Variants in FAM178B observed in about 807,000 individuals in gnomAD.
The protein encoded by FAM178B is protein FAM178B.
A neutral mutation model predicts 91.7 loss-of-function variants in FAM178B; 82 were observed. The observed-to-expected ratio is 0.89, with a 90% CI of 0.75 to 1.07. The LOEUF (loss-of-function observed/expected upper bound fraction) is 1.07, where lower values mean the gene tolerates loss of function less well. Ranked by LOEUF, FAM178B falls within the 50% of genes least tolerant of loss-of-function variation. The pLI, the probability that FAM178B is intolerant of heterozygous loss-of-function variation, is 0.00. For synonymous variants in FAM178B, 368 were observed against 359.4 expected (o/e 1.02, Z -0.27); for missense variants, 769 against 846.7 (o/e 0.91, Z 1.14).
intron 5 of FAM178B, among the ~76,000 whole-genome samples, chr2:96,962,645 T>C (rs892484137): frequency 6.6e-6 from 1 of 152,072 alleles, no homozygotes; most frequent in Non-Finnish European, 1.5e-5. Context: ...GAATAAAGGA[T>C]GATGTTGTGG....
intron 6 of FAM178B, among the ~76,000 whole-genome samples, chr2:96,952,148 G>A (rs1172066802): frequency 2.6e-5 from 4 of 152,130 alleles, no homozygotes; most frequent in Admixed American, 6.5e-5. Context: ...TCTTAGCCTC[G>A]GGTTCCTCCA....
chr2:96,969,945 T>C (rs1035452945), intron 4 of FAM178B, among the ~76,000 whole-genome samples: 2 of 152,118 alleles, frequency 1.3e-5, no homozygotes, highest in Non-Finnish European at 2.9e-5. Context: ...GAGCTGGGTG[T>C]TCCAGGGTGG....
At chr2:96,887,252 G>T (rs1336146385) in intron 14 of FAM178B, among the ~76,000 whole-genome samples, 2 of 152,142 alleles carry the variant, frequency 1.3e-5, no homozygotes, top group Admixed American at 1.3e-4. Flanking sequence ...ACCGTTTGCA[G>T]AAATAAGGTC....
intron 13 of FAM178B, chr2:96,895,174 ATCGT>A: frequency 8.4e-7 from 1 of 1,192,790 alleles, no homozygotes; most frequent in Non-Finnish European, 1.1e-6. Flanking sequence ...AATACATCGT[ATCGT>A]TTTACCCATA....
chr2:96,925,798 C>CAA (rs1340870601), intron 9 of FAM178B, among the ~76,000 whole-genome samples: 1 of 152,162 alleles, frequency 6.6e-6, no homozygotes, highest in Non-Finnish European at 1.5e-5. Context: ...CTTCTTCCCC[C>CAA]AAAAGTTGAA....
chr2:96,899,853 T>C (rs1298211664), intron 13 of FAM178B, among the ~76,000 whole-genome samples: 1 of 51,924 alleles, frequency 1.9e-5, no homozygotes, highest in East Asian at 1.8e-3. Flanking sequence ...TCCCCACTCT[T>C]TTTTTTTTTT....
Position 96,972,289 on chromosome 2 carries a change from A to G in FAM178B, c.176T>C (p.Leu59Pro), listed in dbSNP as rs2082232866. ...VQAAATVPIL[L>P]YNLEDGLSDH... ...TGACAAGCCATCCTCCAGGTTGTAC[A>G]GGAGGATGGGCACGGTGGCGGCAGC... Residue 59 changes from leucine to proline, a missense_variant, in exon 3 of 17, where the codon CTG (leucine) becomes CCG (proline). By Grantham distance (98) the Leu-to-Pro change is moderately conservative (BLOSUM62 -3). Transcript: ENST00000490605. 1.3e-6 allele frequency: 2 copies of G among 1,482,446 alleles called. No individual in the cohort carries two copies. Among genetic ancestry groups the G allele is most frequent in the Non-Finnish European group, 1.8e-6 (2 of 1,115,258 alleles). 91.8% of individuals were successfully genotyped at this position (1,482,446 alleles called of 1,614,324 possible). A position where few individuals can be genotyped will look rare whatever the true frequency, so the allele number is the denominator to read the frequency against.
intron 8 of FAM178B, among the ~76,000 whole-genome samples, chr2:96,946,199 C>A (rs1290227490): frequency 6.6e-6 from 1 of 152,110 alleles, no homozygotes; most frequent in Non-Finnish European, 1.5e-5. Flanking sequence ...TCAGAATTTC[C>A]TTCCTCTTTT....
At chr2:96,955,041 G>A (rs2081979508) in intron 6 of FAM178B, among the ~76,000 whole-genome samples, 1 of 152,012 alleles carries the variant, frequency 6.6e-6, no homozygotes, top group South Asian at 2.1e-4. Flanking sequence ...CAGAGCATGG[G>A]CCTGACTAAA....
At chr2:96,974,657 T>G (rs999050646) in intron 1 of FAM178B, among the ~76,000 whole-genome samples, 1 of 152,132 alleles carries the variant, frequency 6.6e-6, no homozygotes, top group Non-Finnish European at 1.5e-5. Context: ...AATGCAAGTA[T>G]GCAAAAAGAT....
chr2:96,951,392 T>C lies in FAM178B; in HGVS notation c.980A>G (p.Gln327Arg), dbSNP rs1455146879. The C allele has an allele frequency of 1.9e-6, 3 of 1,551,090 alleles. No homozygotes were observed. Among genetic ancestry groups the C allele is most frequent in the Admixed American group, 3.9e-5 (2 of 51,002 alleles). ...HMPDCPVSLLQWLFQLLTWPP... is the reference protein window; with the variant it reads ...HMPDCPVSLLRWLFQLLTWPP... ...TGCGGTCCTCACCTGGAACAGCCAC[T>C]GGAGCAGGGATACCGGGCAGTCAGG... The change falls in exon 7 of 17, where the codon CAG becomes CGG. Residue 327 changes from glutamine to arginine, a missense_variant. Transcript: ENST00000490605.
At chr2:96,980,212 A>G (rs2082344418) in intron 1 of FAM178B, among the ~76,000 whole-genome samples, 1 of 151,822 alleles carries the variant, frequency 6.6e-6, no homozygotes, top group African/African-American at 2.4e-5. Flanking sequence ...AGTAGCTGGG[A>G]TTACAGGCAT....
intron 14 of FAM178B, 109 bp downstream of exon 14, chr2:96,893,817 G>A (rs879927962): frequency 1.8e-4 from 241 of 1,357,986 alleles, no homozygotes; most frequent in Non-Finnish European, 2.3e-4. Context: ...ATGGCCCTGG[G>A]GTTCTGGAAG....
At chr2:96,956,273 G>A (rs530031087) in intron 6 of FAM178B, among the ~76,000 whole-genome samples, 19 of 152,336 alleles carry the variant, frequency 1.2e-4, no homozygotes, top group African/African-American at 4.6e-4. Flanking sequence ...ATCAGCTTCC[G>A]TCATAATGAC....
chr2:96,932,318 A>G (rs888036420), intron 8 of FAM178B, among the ~76,000 whole-genome samples: 1 of 152,182 alleles, frequency 6.6e-6, no homozygotes, highest in African/African-American at 2.4e-5. Context: ...AGCACGACCC[A>G]GGCCAAGGTG....
intron 1 of FAM178B, chr2:96,977,827 T>C (rs956940727): frequency 6.6e-6 from 3 of 456,344 alleles, no homozygotes; most frequent in African/African-American, 4.0e-5. Flanking sequence ...CGGCCTTTGT[T>C]CTACTCCAGC....
intron 12 of FAM178B, among the ~76,000 whole-genome samples, chr2:96,914,175 T>A (rs1223137188): frequency 6.6e-6 from 1 of 152,142 alleles, no homozygotes; most frequent in Non-Finnish European, 1.5e-5. Context: ...TGGTCATAGT[T>A]CACTTCTGGT....
At position 96,877,957 on chromosome 2, in the gene FAM178B, A is replaced by G. The variant is rs779873518; in HGVS notation, c.1940T>C (p.Met647Thr). The G allele has an allele frequency of 3.7e-6, 6 of 1,613,904 alleles. No individual in the cohort carries two copies. The highest frequency in any genetic ancestry group is 3.3e-5 in the South Asian group (3 of 91,084). Residue 647 changes from methionine to threonine, a missense_variant, in exon 16 of 17, where the codon ATG (methionine) becomes ACG (threonine). By Grantham distance (81) the Met-to-Thr change is moderately conservative (BLOSUM62 -1). Coordinates refer to ENST00000490605, the MANE Select transcript of FAM178B (RefSeq NM_001122646.3). ...GGTCTGGGTAGCCAGGTCCTTGAGCATGGTGCGGTGCATGGCCTGGGGGCT... is the reference window on the plus strand; with the variant it reads ...GGTCTGGGTAGCCAGGTCCTTGAGCGTGGTGCGGTGCATGGCCTGGGGGCT... ...RESPQAMHRT[M>T]LKDLATQTYI...
chr2:96,962,074 G>A (rs1215625601), intron 5 of FAM178B, among the ~76,000 whole-genome samples: 1 of 152,164 alleles, frequency 6.6e-6, no homozygotes, highest in Non-Finnish European at 1.5e-5. Flanking sequence ...GGCTGAGGTG[G>A]GCGGATCACC....
Sources: allele counts gnomAD v4.1 joint callset (sites outside exome capture counted in the v4.1 genomes callset), GRCh38; gene constraint gnomAD v4.1.1; transcripts MANE v1.5; gene names NCBI Gene and HGNC (gene_info 2026-07-23, HGNC 2026-07-21).